The following FGF11 variants were observed in gnomAD, a reference collection of about 807,000 sequenced individuals.
The protein encoded by FGF11 is fibroblast growth factor homologous factor 3.
FGF11 carries 25 observed loss-of-function variants against 25.1 expected under a neutral mutation model. The observed-to-expected ratio is 1.00, with a 90% CI of 0.73 to 1.39. The LOEUF (loss-of-function observed/expected upper bound fraction) is 1.39, where lower values mean the gene tolerates loss of function less well. Among genes scored for constraint, FGF11 ranks in the 40% most tolerant of loss-of-function variants. FGF11 has a pLI of 0.00. For synonymous variants in FGF11, 130 were observed against 128.9 expected (o/e 1.01, Z -0.06); for missense variants, 320 against 311.0 (o/e 1.03, Z -0.22).
chr17:7,441,457 G>C lies in FGF11; in HGVS notation c.194-14G>C. 1.2e-6 allele frequency: 2 copies of C among 1,613,828 alleles called. No individual in the cohort carries two copies. Among genetic ancestry groups the C allele is most frequent in the Non-Finnish European group, 1.7e-6 (2 of 1,179,900 alleles). On this transcript the variant is annotated splice_polypyrimidine_tract_variant and intron_variant, in intron 1 of 4. Coordinates refer to ENST00000293829, the MANE Select transcript of FGF11 (RefSeq NM_004112.4). ...GGAGATGTCATTTTCAAAGATGAATGTCTCTCTCTCCAGAGCCTCAGCTCA... is the reference window on the plus strand; with the variant it reads ...GGAGATGTCATTTTCAAAGATGAATCTCTCTCTCTCCAGAGCCTCAGCTCA...
chr17:7,441,937 T>C, intron 3 of FGF11, 58 bp downstream of exon 3: 1 of 1,299,630 alleles, frequency 7.7e-7, no homozygotes, highest in South Asian at 1.4e-5. Context: ...CCTCAATTTG[T>C]CCCTTGAGGG....
Position 7,439,718 on chromosome 17 carries a change from G to A in FGF11, c.98G>A (p.Arg33His), listed in dbSNP as rs777100094. Residue 33 changes from arginine (R) to histidine (H), a missense_variant, in exon 1 of 5, where the codon CGC (arginine) becomes CAC (histidine). Physicochemically the swap from Arg to His is conservative, Grantham distance 29. Transcript: ENST00000293829. ...PVSAQRRVCP[R>H]GTKSLCQKQL... ...TCGGCGCAGCGGCGCGTGTGTCCCC[G>A]CGGCACCAAGTCCCTTTGCCAGAAG... 2.5e-6 allele frequency: 4 copies of A among 1,572,474 alleles called. No homozygotes were observed. Among genetic ancestry groups the A allele is most frequent in the Admixed American group, 3.7e-5 (2 of 54,466 alleles).
At chr17:7,441,675 C>A in intron 2 of FGF11, 94 bp downstream of exon 2, 1 of 1,582,382 alleles carries the variant, frequency 6.3e-7, no homozygotes, top group South Asian at 1.1e-5. Context: ...TGCCATTGAT[C>A]CGTCTTCCTG....
rs1908381608 is a variant in FGF11, at chr17:7,442,628, G to A, written c.443G>A (p.Cys148Tyr). ...ACAGCTGAGTGTCGCTTTAAGGAGTGTGTCTTTGAGAATTACTACGTCCTG... is the reference window on the plus strand; with the variant it reads ...ACAGCTGAGTGTCGCTTTAAGGAGTATGTCTTTGAGAATTACTACGTCCTG... The part of the protein sequence containing the change: ...HFTAECRFKE[C>Y]VFENYYVLYA... Residue 148 changes from cysteine to tyrosine, a missense_variant, in exon 4 of 5, where the codon TGT (cysteine) becomes TAT (tyrosine). Physicochemically the swap from Cys to Tyr is radical, Grantham distance 194. Transcript: ENST00000293829. 1 of 1,614,092 alleles carries A rather than the reference G, an allele frequency of 6.2e-7. No individual in the cohort carries two copies. Among genetic ancestry groups the A allele is most frequent in the Non-Finnish European group, 8.5e-7 (1 of 1,180,052 alleles).
At chr17:7,439,474 GT>G (rs1908207013), upstream of FGF11, 4 of 534,176 alleles carry the variant, frequency 7.5e-6, no homozygotes, top group Admixed American at 5.4e-5. Flanking sequence ...GAGGGGGGGG[GT>G]CTGGGGCTTA....
chr17:7,442,571 T>C, intron 3 of FGF11, 23 bp from the exon 4 acceptor site: 1 of 1,613,954 alleles, frequency 6.2e-7, no homozygotes, highest in Non-Finnish European at 8.5e-7. Flanking sequence ...TTTGTGCGCC[T>C]TTCTGGGTCT....
rs1303621729 is a variant in FGF11 at position 7,443,465 on chromosome 17, G to C, written c.*319G>C. 6.7e-6 allele frequency: 2 copies of C among 300,586 alleles called. No individual in the cohort carries two copies. Among genetic ancestry groups the C allele is most frequent in the African/African-American group, 2.2e-5 (1 of 46,114 alleles). The allele number at this position is 300,586 out of a possible 1,614,324, so 18.6% of individuals were successfully genotyped here. A position where few individuals can be genotyped will look rare whatever the true frequency, so the allele number is the denominator to read the frequency against. On this transcript the variant is annotated 3_prime_UTR_variant, in exon 5 of 5. Transcript: ENST00000293829. ...GGCGCTGGGAGTTCCCACATGGACA[G>C]CCAGGGCATAAACACTTCCCACCCC... is the stretch of plus-strand genomic sequence containing the variant.
Position 7,440,824 on chromosome 17 carries a change from C to G in FGF11, c.194-647C>G. 2 of 987,282 alleles carry G rather than the reference C, an allele frequency of 2.0e-6. No individual in the cohort carries two copies. The highest frequency in any genetic ancestry group is 2.4e-6 in the Non-Finnish European group (2 of 831,026). The allele number at this position is 987,282 out of a possible 1,614,324, so 61.2% of individuals were successfully genotyped here. A position where few individuals can be genotyped will look rare whatever the true frequency, so the allele number is the denominator to read the frequency against. On this transcript the variant is annotated intron_variant, in intron 1 of 4. Coordinates refer to ENST00000293829, the MANE Select transcript of FGF11 (RefSeq NM_004112.4). This position sits in a 1 kb window ranked among gnomAD's most constrained non-coding sequence, Gnocchi z 5.4. ...CCACCCCCCATATCCTTGGTAAGGT[C>G]CCCCTTACCCCAGGCGAGTTACCTG...
Position 7,440,693 on chromosome 17 carries a change from T to C in FGF11, c.194-778T>C. ...CCCTAAGGGTAGCCACCTCGCGCCCTCCTCCCCGCGCCACCGGCTGCCCAT... is the reference window on the plus strand; with the variant it reads ...CCCTAAGGGTAGCCACCTCGCGCCCCCCTCCCCGCGCCACCGGCTGCCCAT... On this transcript the variant is annotated intron_variant, in intron 1 of 4. Transcript: ENST00000293829. This position sits in a 1 kb window ranked among gnomAD's most constrained non-coding sequence, Gnocchi z 5.4. 1.0e-6 allele frequency: 1 copy of C among 985,452 alleles called. No individual in the cohort carries two copies. The highest frequency in any genetic ancestry group is 1.7e-5 in the African/African-American group (1 of 57,152). The allele number at this position is 985,452 out of a possible 1,614,324, so 61.0% of individuals were successfully genotyped here.
intron 3 of FGF11, chr17:7,442,265 G>GT: frequency 2.7e-6 from 1 of 366,338 alleles, no homozygotes; most frequent in Non-Finnish European, 4.8e-6. Context: ...TAAAAGTCTA[G>GT]TTCTTTTTTT....
intron 3 of FGF11, 131 bp from the exon 4 acceptor site, chr17:7,442,463 A>G: frequency 6.5e-7 from 1 of 1,538,302 alleles, no homozygotes; most frequent in Non-Finnish European, 8.7e-7. Context: ...CCCAGGTCCT[A>G]CATGGACTCA....
Position 7,441,867 on chromosome 17 carries a change from G to T in FGF11, c.396G>T (p.Leu132=). ...ACATGGCCATGAATGCTGAGGGACTGCTCTACAGTTCGGTGAGACAATGAG... is the reference window on the plus strand; with the variant it reads ...ACATGGCCATGAATGCTGAGGGACTTCTCTACAGTTCGGTGAGACAATGAG... ...GHYMAMNAEG[L]LYSSPHFTAE... The change falls in exon 3 of 5, where the codon CTG becomes CTT. Residue 132 remains leucine, a synonymous_variant. Transcript: ENST00000293829. The T allele has an allele frequency of 6.2e-7, 1 of 1,604,222 alleles. No individual in the cohort carries two copies. The highest frequency in any genetic ancestry group is 8.5e-7 in the Non-Finnish European group (1 of 1,176,166).
At chr17:7,438,777 A>G (rs544356063), upstream of FGF11, among the ~76,000 whole-genome samples, 2 of 152,274 alleles carry the variant, frequency 1.3e-5, no homozygotes, top group East Asian at 3.9e-4. Flanking sequence ...AAAAACAAAA[A>G]CAAAAACAAA....
At position 7,440,616 on chromosome 17, in the gene FGF11, T is replaced by C. The variant is rs1908277069; in HGVS notation, c.193+803T>C. The C allele has an allele frequency of 3.1e-6, 3 of 961,852 alleles. No individual in the cohort carries two copies. The highest frequency in any genetic ancestry group is 5.3e-4 in the Middle Eastern group (1 of 1,902). The allele number at this position is 961,852 out of a possible 1,614,324, so 59.6% of individuals were successfully genotyped here. A position where few individuals can be genotyped will look rare whatever the true frequency, so the allele number is the denominator to read the frequency against. The stretch of plus-strand genomic sequence containing the variant: ...GAGAGTTAGAATTGGTCCCCGTCCA[T>C]GTACGACAGTCAGGGAGTCCCTCTG... On this transcript the variant is annotated intron_variant, in intron 1 of 4. Transcript: ENST00000293829. The surrounding 1 kb of genome is among the most constrained non-coding windows in gnomAD (Gnocchi z 5.4).
At position 7,439,707 on chromosome 17, in the gene FGF11, C is replaced by A; in HGVS notation, c.87C>A (p.Arg29=). Residue 29 remains arginine (R), a synonymous_variant, in exon 1 of 5, where the codon CGC becomes CGA. Coordinates refer to ENST00000293829, the MANE Select transcript of FGF11 (RefSeq NM_004112.4). Reference sequence around the variant, plus strand: ...GCCGGCCGGTGTCGGCGCAGCGGCGCGTGTGTCCCCGCGGCACCAAGTCCC... The same window carrying A: ...GCCGGCCGGTGTCGGCGCAGCGGCGAGTGTGTCCCCGCGGCACCAAGTCCC... ...GGSRPVSAQR[R]VCPRGTKSLC... is the part of the protein sequence containing the mutation. The A allele has an allele frequency of 6.4e-7, 1 of 1,566,682 alleles. No individual in the cohort carries two copies. Among genetic ancestry groups the A allele is most frequent in the South Asian group, 1.2e-5 (1 of 85,400 alleles).
intron 3 of FGF11, 87 bp downstream of exon 3, chr17:7,441,966 C>T (rs1206058084): frequency 1.9e-6 from 2 of 1,027,538 alleles, no homozygotes; most frequent in African/African-American, 3.2e-5. Context: ...CCTTCCTCAA[C>T]TACAGACATT....
intron 4 of FGF11, 67 bp downstream of exon 4, chr17:7,442,859 G>A (rs1908398605): frequency 6.7e-7 from 1 of 1,491,998 alleles, no homozygotes; most frequent in Non-Finnish European, 9.3e-7. Context: ...GACATTTAGG[G>A]GCAGACAGCT....
chr17:7,442,303 T>G, intron 3 of FGF11: 1 of 486,440 alleles, frequency 2.1e-6, no homozygotes, highest in South Asian at 2.9e-5. Context: ...AGGGTCTTGC[T>G]ATGTTGGCCA....
chr17:7,439,102 A>C (rs1908185023), upstream of FGF11: 1 of 152,246 alleles, frequency 6.6e-6, no homozygotes, highest in African/African-American at 2.4e-5. Context: ...AAAGGAAAAA[A>C]CACCAAGGTT....
Sources: allele counts gnomAD v4.1 joint callset (sites outside exome capture counted in the v4.1 genomes callset), GRCh38; gene constraint gnomAD v4.1.1; non-coding constraint Gnocchi (gnomAD v3.1); transcripts MANE v1.5; gene names NCBI Gene and HGNC (gene_info 2026-07-23, HGNC 2026-07-21).